BLNK: variants seen among roughly 807,000 people sequenced by gnomAD.
BLNK encodes B-cell linker protein.
BLNK carries 29 observed loss-of-function variants against 73.5 expected under a neutral mutation model. The ratio of observed to expected loss-of-function variants is 0.39; its 90% CI spans 0.29 to 0.54. The LOEUF (loss-of-function observed/expected upper bound fraction) is 0.54, where lower values mean the gene tolerates loss of function less well. Among genes scored for constraint, BLNK ranks in the 20% least tolerant of loss-of-function variants. The pLI, the probability that BLNK is intolerant of heterozygous loss-of-function variation, is 0.61. For missense variants in BLNK, 460 were observed against 562.8 expected (o/e 0.82, Z 1.85); for synonymous variants, 176 against 200.8 (o/e 0.88, Z 1.04).
intron 15 of BLNK, 87 bp from the exon 16 acceptor site, chr10:96,197,150 T>A: frequency 1.0e-6 from 1 of 962,294 alleles, no homozygotes; most frequent in Non-Finnish European, 1.5e-6. Flanking sequence ...GAAGAACACC[T>A]ATATTACATT....
chr10:96,227,405 C>A lies in BLNK; in HGVS notation c.361+5G>T. 1 of 1,613,456 alleles carries A rather than the reference C, an allele frequency of 6.2e-7. No homozygotes were observed. ...CCGAGTGCCCAGGTCTGCGGGGGAC[C>A]TCACCTATATACTCGCCTCTGGCGA... On this transcript the variant is annotated splice_donor_5th_base_variant and intron_variant, in intron 5 of 16. Coordinates refer to ENST00000224337, the MANE Select transcript of BLNK (RefSeq NM_013314.4).
rs187088429 is a variant in BLNK, at chr10:96,226,067, G to C, written c.361+1343C>G. ...AGTATGGTGGGTGGTGCACAGAGCCGAGTTGTGATGAGCTGGGCTTCGGAA... is the reference window on the plus strand; with the variant it reads ...AGTATGGTGGGTGGTGCACAGAGCCCAGTTGTGATGAGCTGGGCTTCGGAA... On this transcript the variant is annotated intron_variant, in intron 5 of 16. Coordinates refer to ENST00000224337, the MANE Select transcript of BLNK (RefSeq NM_013314.4). 2.9e-3 allele frequency among the ~76,000 whole-genome samples: 440 copies of C among 152,322 alleles called. 9 individuals carry two copies. The highest frequency in any genetic ancestry group is 0.026 in the Admixed American group (395 of 15,302).
chr10:96,195,159 TA>T (rs1564809811), intron 16 of BLNK, among the ~76,000 whole-genome samples: 2 of 152,154 alleles, frequency 1.3e-5, no homozygotes, highest in African/African-American at 4.8e-5. Flanking sequence ...ATTCAGAATA[TA>T]ACAAGTGCTG....
At chr10:96,255,860 G>C (rs782091535) in intron 1 of BLNK, among the ~76,000 whole-genome samples, 3 of 152,130 alleles carry the variant, frequency 2.0e-5, no homozygotes, top group South Asian at 2.1e-4. Flanking sequence ...GGATTTCAAC[G>C]ATCACTCCTT....
At chr10:96,223,183 G>A (rs587609817) in intron 6 of BLNK, among the ~76,000 whole-genome samples, 2 of 152,198 alleles carry the variant, frequency 1.3e-5, no homozygotes, top group African/African-American at 4.8e-5. Flanking sequence ...GTACAACTCC[G>A]GTAAGCACAC....
In BLNK at chr10:96,224,005, C is replaced by CA; in HGVS notation, c.362-17dup. ...GATCGATTGTCTTGAAAGGAACAAA[C>CA]AAAAAACATAACATAAAAGAGGCTC... On this transcript the variant is annotated splice_polypyrimidine_tract_variant and intron_variant, in intron 5 of 16. Coordinates refer to ENST00000224337, the MANE Select transcript of BLNK (RefSeq NM_013314.4). 4.3e-6 allele frequency: 7 copies of CA among 1,611,888 alleles called. No individual in the cohort carries two copies. The highest frequency in any genetic ancestry group is 5.9e-6 in the Non-Finnish European group (7 of 1,179,796).
chr10:96,250,622 C>T (rs548052459), intron 1 of BLNK, among the ~76,000 whole-genome samples: 2 of 152,250 alleles, frequency 1.3e-5, no homozygotes, highest in African/African-American at 2.4e-5. Flanking sequence ...AGAATCCTAT[C>T]AGAAATGTGT....
At chr10:96,253,698 C>A (rs1311950070) in intron 1 of BLNK, among the ~76,000 whole-genome samples, 1 of 152,158 alleles carries the variant, frequency 6.6e-6, no homozygotes, top group African/African-American at 2.4e-5. Flanking sequence ...CTTATGCACA[C>A]AGAAGGTTGA....
intron 6 of BLNK, among the ~76,000 whole-genome samples, chr10:96,218,983 C>A (rs1474023909): frequency 2.6e-5 from 4 of 152,178 alleles, no homozygotes; most frequent in Non-Finnish European, 5.9e-5. Context: ...GTGCTTGGGT[C>A]TTTTCTAGAT....
intron 11 of BLNK, among the ~76,000 whole-genome samples, chr10:96,206,428 A>G (rs1554897409): frequency 6.6e-6 from 1 of 151,944 alleles, no homozygotes; most frequent in Admixed American, 6.6e-5. Flanking sequence ...AAAGGAAGAA[A>G]TTCTAAATTA....
At chr10:96,204,150 T>C in intron 12 of BLNK, 62 bp from the exon 13 acceptor site, 1 of 1,542,466 alleles carries the variant, frequency 6.5e-7, no homozygotes, top group Non-Finnish European at 9.0e-7. Context: ...TTTGACTTTT[T>C]GTTTACACTG....
chr10:96,197,352 TGGTGTGCA>T (rs1215336492), intron 15 of BLNK, among the ~76,000 whole-genome samples: 1 of 152,192 alleles, frequency 6.6e-6, no homozygotes, highest in Non-Finnish European at 1.5e-5. Flanking sequence ...TTGCCCAGGC[TGGTGTGCA>T]GTGGTGCAAT....
In BLNK at chr10:96,209,839, C is replaced by A; in HGVS notation, c.745G>T (p.Gly249Trp). Reference sequence around the variant, plus strand: ...CTGCTTCCTGCAACAGGTACTTACCCGGCCCGTGGCAACGGGGATGGTGCA... The same window carrying A: ...CTGCTTCCTGCAACAGGTACTTACCAGGCCCGTGGCAACGGGGATGGTGCA... Reference protein sequence around the residue: ...PAAPSPLPRAGKKPTTPLKTT... With the variant: ...PAAPSPLPRAWKKPTTPLKTT... Residue 249 changes from glycine (G) to tryptophan (W), a missense_variant and splice_region_variant, in exon 9 of 17, where the codon GGG becomes TGG. Physicochemically the swap from Gly to Trp is radical, Grantham distance 184. Coordinates refer to ENST00000224337, the MANE Select transcript of BLNK (RefSeq NM_013314.4). 1 of 1,614,212 alleles carries A rather than the reference C, an allele frequency of 6.2e-7. No homozygotes were observed. Among genetic ancestry groups the A allele is most frequent in the Non-Finnish European group, 8.5e-7 (1 of 1,180,028 alleles).
At chr10:96,218,050 G>A (rs1366603601) in intron 6 of BLNK, among the ~76,000 whole-genome samples, 1 of 152,076 alleles carries the variant, frequency 6.6e-6, no homozygotes, top group Non-Finnish European at 1.5e-5. Flanking sequence ...AGCACTATTT[G>A]TTTTAAAAAA....
intron 3 of BLNK, among the ~76,000 whole-genome samples, chr10:96,233,181 C>T (rs587710058): frequency 2.9e-4 from 44 of 152,282 alleles, no homozygotes; most frequent in Non-Finnish European, 5.0e-4. Context: ...TTGTAACAAC[C>T]ATTTAAATAG....
At chr10:96,223,786 C>A in intron 6 of BLNK, 40 bp downstream of exon 6, 1 of 1,611,468 alleles carries the variant, frequency 6.2e-7, no homozygotes, top group South Asian at 1.1e-5. Flanking sequence ...CCCCACCCCC[C>A]TCTGTGTCCT....
intron 3 of BLNK, among the ~76,000 whole-genome samples, chr10:96,233,732 G>A (rs587713039): frequency 2.0e-5 from 3 of 152,296 alleles, no homozygotes; most frequent in East Asian, 1.9e-4. Flanking sequence ...TGGTGGCACC[G>A]TGATGTCACA....
intron 1 of BLNK, among the ~76,000 whole-genome samples, chr10:96,265,756 T>C (rs1043585127): frequency 1.3e-5 from 2 of 152,256 alleles, no homozygotes; most frequent in South Asian, 4.1e-4. Context: ...CTTATTGTTC[T>C]GAAGAGAACA....
intron 3 of BLNK, among the ~76,000 whole-genome samples, chr10:96,234,714 G>A (rs587624181): frequency 1.3e-5 from 2 of 152,304 alleles, no homozygotes; most frequent in Non-Finnish European, 2.9e-5. Flanking sequence ...GCATTGCAAA[G>A]AATGCCTCAA....
Sources: allele counts gnomAD v4.1 joint callset (sites outside exome capture counted in the v4.1 genomes callset), GRCh38; gene constraint gnomAD v4.1.1; transcripts MANE v1.5; gene names NCBI Gene and HGNC (gene_info 2026-07-23, HGNC 2026-07-21).